AKR1B1: variants seen among roughly 807,000 people sequenced by gnomAD.
The protein encoded by AKR1B1 is aldo-keto reductase family 1 member B.
Under a neutral mutation model 40.4 loss-of-function variants are expected in AKR1B1, and 22 were observed. The ratio of observed to expected loss-of-function variants is 0.54; its 90% confidence interval spans 0.39 to 0.78. The LOEUF (loss-of-function observed/expected upper bound fraction) is 0.78, where lower values mean the gene tolerates loss of function less well. Among genes scored for constraint, AKR1B1 ranks in the 30% least tolerant of loss-of-function variants. The pLI is 0.00. For synonymous variants in AKR1B1, 157 were observed against 149.9 expected (o/e 1.05, Z -0.35); for missense variants, 357 against 396.7 (o/e 0.90, Z 0.85).
rs747726692 is a variant in AKR1B1, at chr7:134,450,906, A to C, written c.235-4T>G. ...TCTCATGGTACGTGCACCACAGCTA[A>C]GCCAGCGAGAGGGCACATGTCATCA... On this transcript the variant is annotated splice_polypyrimidine_tract_variant and splice_region_variant and intron_variant, in intron 2 of 9. Coordinates refer to ENST00000285930, the MANE Select transcript of AKR1B1 (RefSeq NM_001628.4). 15 of 1,611,822 alleles carry C rather than the reference A, an allele frequency of 9.3e-6. No individual in the cohort carries two copies. Among genetic ancestry groups the C allele is most frequent in the Non-Finnish European group, 1.3e-5 (15 of 1,178,088 alleles).
rs1257585858 is a variant in AKR1B1 at position 134,447,347 on chromosome 7, A to C, written c.776T>G (p.Val259Gly). Residue 259 changes from valine to glycine, a missense_variant, in exon 8 of 10, where the codon GTG becomes GGG. Transcript: ENST00000285930. ...TGGTGTCACAGACTTGGGGATCACC[A>C]CCAAGTTCCTCTGCATGGGGAACCG... ...LIRFPMQRNL[V>G]VIPKSVTPER... 1 of 1,614,138 alleles carries C rather than the reference A, an allele frequency of 6.2e-7. No individual in the cohort carries two copies. Among genetic ancestry groups the C allele is most frequent in the Non-Finnish European group, 8.5e-7 (1 of 1,180,010 alleles).
At chr7:134,442,827 C>A in intron 9 of AKR1B1, 57 bp from the exon 10 acceptor site, 1 of 1,479,036 alleles carries the variant, frequency 6.8e-7, no homozygotes, top group Non-Finnish European at 9.4e-7. Context: ...TGACTATACC[C>A]AACTCCCAAC....
chr7:134,449,219 C>T lies in AKR1B1; in HGVS notation c.430-100G>A, dbSNP rs921508518. 5 of 1,509,358 alleles carry T rather than the reference C, an allele frequency of 3.3e-6. No individual in the cohort carries two copies. The African/African-American group carries it at 4.1e-5, about 12-fold the overall frequency. 93.5% of individuals were successfully genotyped at this position (1,509,358 alleles called of 1,614,324 possible). On this transcript the variant is annotated intron_variant, in intron 4 of 9. Coordinates refer to ENST00000285930, the MANE Select transcript of AKR1B1 (RefSeq NM_001628.4). The stretch of plus-strand genomic sequence containing the variant: ...TTTAACGGGTCCTGCCCTCACTCTT[C>T]AGTGCCAGTGAATTAGACCTTTCAG...
At chr7:134,458,363 C>A (rs1806554104) in intron 1 of AKR1B1, among the ~76,000 whole-genome samples, 1 of 152,198 alleles carries the variant, frequency 6.6e-6, no homozygotes, top group East Asian at 1.9e-4. Flanking sequence ...CCAGGGCACC[C>A]CGAGGCGGCG....
chr7:134,442,603 G>C lies in AKR1B1; in HGVS notation c.*125C>G. On this transcript the variant is annotated 3_prime_UTR_variant, in exon 10 of 10. Transcript: ENST00000285930. ...CCAACATCAAGCTAGACACGCCCTCGCTGGCCACTCTACAGGTTGCTGTCC... is the reference window on the plus strand; with the variant it reads ...CCAACATCAAGCTAGACACGCCCTCCCTGGCCACTCTACAGGTTGCTGTCC... The C allele has an allele frequency of 1.2e-6, 1 of 848,676 alleles. No homozygotes were observed. Among genetic ancestry groups the C allele is most frequent in the South Asian group, 1.5e-5 (1 of 65,064 alleles). The allele number at this position is 848,676 out of a possible 1,614,324, so 52.6% of individuals were successfully genotyped here.
chr7:134,446,745 C>T (rs546362493), intron 8 of AKR1B1, among the ~76,000 whole-genome samples: 36 of 152,362 alleles, frequency 2.4e-4, no homozygotes, highest in Admixed American at 1.0e-3. Flanking sequence ...CCTTGCAGAG[C>T]TGGTGAATGG....
At chr7:134,457,459 G>C (rs1188384782) in intron 1 of AKR1B1, among the ~76,000 whole-genome samples, 1 of 152,154 alleles carries the variant, frequency 6.6e-6, no homozygotes, top group Non-Finnish European at 1.5e-5. Context: ...TACAACCTTA[G>C]AGACACCACT....
At chr7:134,459,117 C>A, upstream of AKR1B1, 2 of 1,563,480 alleles carry the variant, frequency 1.3e-6, no homozygotes, top group Non-Finnish European at 8.7e-7. Flanking sequence ...GGCCGCGGCG[C>A]GTACCTTTAA....
At chr7:134,451,177 T>C (rs1034411005) in intron 2 of AKR1B1, 35 of 559,218 alleles carry the variant, frequency 6.3e-5, no homozygotes, top group African/African-American at 5.8e-4. Context: ...TCTCGAAACT[T>C]TCCCCCCGGG....
intron 1 of AKR1B1, among the ~76,000 whole-genome samples, chr7:134,454,015 T>A (rs530032533): frequency 6.6e-6 from 1 of 152,242 alleles, no homozygotes; most frequent in South Asian, 2.1e-4. Context: ...GGGTCCAGAT[T>A]GACTTCTAAA....
chr7:134,448,532 G>C, intron 5 of AKR1B1, 39 bp from the exon 6 acceptor site: 1 of 1,478,926 alleles, frequency 6.8e-7, no homozygotes, highest in South Asian at 1.1e-5. Context: ...GAGCACTGTG[G>C]CTACACGCTG....
rs759994468 is a variant in AKR1B1, at chr7:134,459,005, T to A, written c.58A>T (p.Thr20Ser). Residue 20 changes from threonine to serine, a missense_variant, in exon 1 of 10, where the codon ACC becomes TCC. Physicochemically the swap from Thr to Ser is moderately conservative, Grantham distance 58. Coordinates refer to ENST00000285930, the MANE Select transcript of AKR1B1 (RefSeq NM_001628.4). ...CCCCCACGAGCACCTACCTTCCAGG[T>A]ACCCAACCCCAGGATGGGCATCTTG... ...GAKMPILGLG[T>S]WKSPPGQVTE... The A allele has an allele frequency of 1.9e-6, 3 of 1,607,744 alleles. No individual in the cohort carries two copies. The highest frequency in any genetic ancestry group is 1.3e-5 in the African/African-American group (1 of 74,700).
At chr7:134,447,758 C>A (rs999629758) in intron 7 of AKR1B1, 6 of 648,080 alleles carry the variant, frequency 9.3e-6, no homozygotes, top group Non-Finnish European at 1.7e-5. Context: ...GCCCTCGTGG[C>A]AGTCACCCTT....
In AKR1B1 at chr7:134,442,732, A is replaced by C. The variant is rs764619605; in HGVS notation, c.947T>G (p.Phe316Cys). ...GACGAGCAGGCAACCACAGCTTCAA[A>C]ACTCTTCATGGAAGGGGTAATCCTT... ...SHKDYPFHEEF is the reference protein window; with the variant it reads ...SHKDYPFHEEC The change falls in exon 10 of 10, where the codon TTT (phenylalanine) becomes TGT (cysteine). Residue 316 changes from phenylalanine (F) to cysteine (C), a missense_variant. Transcript: ENST00000285930. 3 of 1,614,126 alleles carry C rather than the reference A, an allele frequency of 1.9e-6. No individual in the cohort carries two copies. Among genetic ancestry groups the C allele is most frequent in the South Asian group, 1.1e-5 (1 of 91,072 alleles).
At chr7:134,453,492 G>A (rs769046786) in intron 1 of AKR1B1, among the ~76,000 whole-genome samples, 10 of 152,038 alleles carry the variant, frequency 6.6e-5, no homozygotes, top group South Asian at 4.2e-4. Flanking sequence ...TAATGTCAGC[G>A]GCTGTTGTTT....
chr7:134,455,373 A>T (rs1223681091), intron 1 of AKR1B1, among the ~76,000 whole-genome samples: 1 of 152,190 alleles, frequency 6.6e-6, no homozygotes, highest in Admixed American at 6.5e-5. Flanking sequence ...GGAGGTAGTG[A>T]TCATGGCAAA....
intron 1 of AKR1B1, among the ~76,000 whole-genome samples, chr7:134,455,039 C>G (rs1207142385): frequency 6.6e-6 from 1 of 152,196 alleles, no homozygotes; most frequent in Non-Finnish European, 1.5e-5. Flanking sequence ...CCTGTGTTAC[C>G]TCCATGCCCA....
At position 134,449,859 on chromosome 7, in the gene AKR1B1, TG is replaced by T. The variant is rs1001636000; in HGVS notation, c.352-63del. The stretch of plus-strand genomic sequence containing the variant: ...CAGTAATAGTCCTTCACAGACCTGC[TG>T]GGGGAAGCTGGCATCTAAAACAATT... On this transcript the variant is annotated intron_variant, in intron 3 of 9. Transcript: ENST00000285930. 5.2e-5 allele frequency: 70 copies of T among 1,351,440 alleles called. No individual in the cohort carries two copies. The East Asian group carries it at 9.8e-4, about 19-fold the overall frequency. The allele number at this position is 1,351,440 out of a possible 1,614,324, so 83.7% of individuals were successfully genotyped here.
Position 134,448,477 on chromosome 7 carries a change from T to A in AKR1B1, c.569A>T (p.Tyr190Phe). 7 of 1,613,868 alleles carry A rather than the reference T, an allele frequency of 4.3e-6. No homozygotes were observed. Among genetic ancestry groups the A allele is most frequent in the Non-Finnish European group, 5.9e-6 (7 of 1,179,816 alleles). The change falls in exon 6 of 10, where the codon TAT becomes TTT. Residue 190 changes from tyrosine (Y) to phenylalanine (F), a missense_variant. Physicochemically the swap from Tyr to Phe is conservative, Grantham distance 22. Coordinates refer to ENST00000285930, the MANE Select transcript of AKR1B1 (RefSeq NM_001628.4). The stretch of plus-strand genomic sequence containing the variant: ...CTGGATTAACTTCTCCTGAGTGAGA[T>A]ATGGGTGGCACTCAATCTGCAAATG... ...PAVNQIECHP[Y>F]LTQEKLIQYC... is the part of the protein sequence containing the mutation.
Sources: gnomAD v4.1 joint callset for allele counts (sites outside exome capture counted in the v4.1 genomes callset) on GRCh38, gnomAD v4.1.1 for gene constraint, MANE v1.5 for transcripts, NCBI Gene and HGNC (gene_info 2026-07-23, HGNC 2026-07-21) for gene names.